Variants in RIMS2 observed in about 807,000 individuals in gnomAD.
RIMS2 encodes regulating synaptic membrane exocytosis protein 2.
A neutral mutation model predicts 174.4 loss-of-function variants in RIMS2; 59 were observed. The ratio of observed to expected loss-of-function variants is 0.34; its 90% confidence interval spans 0.27 to 0.42. The LOEUF is 0.42. Ranked by LOEUF, RIMS2 falls within the 10% of genes least tolerant of loss-of-function variation. The pLI is 1.00. For missense variants in RIMS2, 1,620 were observed against 1,666.3 expected, an observed-to-expected ratio of 0.97 and a Z score of 0.48; for synonymous variants, 606 against 572.5, an observed-to-expected ratio of 1.06 and a Z score of -0.84.
intron 19 of RIMS2, among the ~76,000 whole-genome samples, chr8:104,100,977 T>C (rs189799720): frequency 4.3e-5 from 5 of 114,990 alleles, no homozygotes; most frequent in Admixed American, 1.8e-4. Flanking sequence ...ATAGTATATA[T>C]GATATATTAT....
At position 104,178,007 on chromosome 8, in the gene RIMS2, A is replaced by T. The variant is rs1222887889; in HGVS notation, c.3335-66909A>T. Among the ~76,000 whole-genome samples the T allele has an allele frequency of 4.6e-5, 7 of 152,188 alleles. 1 individual carries two copies. The East Asian group carries it at 1.3e-3, about 29-fold the overall frequency. On this transcript the variant is annotated intron_variant, in intron 19 of 23. Transcript: ENST00000504942. ...TATGGAAGCAGACAAGAAATGAGCT[A>T]GAGTCTAGGAGACTCTGAGTTTTCT...
intron 16 of RIMS2, among the ~76,000 whole-genome samples, chr8:103,984,122 C>T (rs891900267): frequency 8.6e-5 from 13 of 151,680 alleles, no homozygotes; most frequent in African/African-American, 3.1e-4. Context: ...TGCAGTGAGC[C>T]GAGATCGCGC....
At chr8:103,543,250 A>G (rs531550649) in intron 1 of RIMS2, among the ~76,000 whole-genome samples, 2 of 152,338 alleles carry the variant, frequency 1.3e-5, no homozygotes, top group East Asian at 3.8e-4. Context: ...AAAGAAATCA[A>G]GAAAATATCC....
At chr8:103,927,024 T>C (rs776166934) in intron 10 of RIMS2, among the ~76,000 whole-genome samples, 34 of 151,616 alleles carry the variant, frequency 2.2e-4, no homozygotes, top group Middle Eastern at 3.4e-3. Flanking sequence ...CATCTACAAA[T>C]TGTAAGTAGA....
intron 19 of RIMS2, among the ~76,000 whole-genome samples, chr8:104,124,019 C>A (rs770759626): frequency 6.6e-6 from 1 of 152,108 alleles, no homozygotes; most frequent in African/African-American, 2.4e-5. Flanking sequence ...TGCAATTACA[C>A]CAACTGCTAT....
chr8:104,051,272 A>ATG (rs975887789), intron 19 of RIMS2, among the ~76,000 whole-genome samples: 2 of 152,090 alleles, frequency 1.3e-5, no homozygotes, highest in East Asian at 1.9e-4. Flanking sequence ...ATATATATGT[A>ATG]TGTGTGTGTA....
chr8:103,903,851 T>A (rs534807444), intron 4 of RIMS2, among the ~76,000 whole-genome samples: 1 of 152,140 alleles, frequency 6.6e-6, no homozygotes, highest in Non-Finnish European at 1.5e-5. Context: ...TACTTTGAAG[T>A]ATTTATAGAT....
intron 19 of RIMS2, among the ~76,000 whole-genome samples, chr8:104,235,415 C>G (rs867884943): frequency 6.6e-6 from 1 of 152,118 alleles, no homozygotes; most frequent in African/African-American, 2.4e-5. Context: ...CACTGCCATA[C>G]AATCTTCTTA....
chr8:103,961,110 A>G (rs1405164494), exon 15 of RIMS2: 4 of 1,500,632 alleles, frequency 2.7e-6, no homozygotes, highest in Non-Finnish European at 3.7e-6. Context: ...TATGACTGTG[A>G]TGATGGAATT....
At chr8:104,175,088 A>C (rs1425771213) in intron 19 of RIMS2, among the ~76,000 whole-genome samples, 2 of 152,182 alleles carry the variant, frequency 1.3e-5, no homozygotes, top group African/African-American at 4.8e-5. Flanking sequence ...CTCTATGATG[A>C]ATACATACTC....
At chr8:103,947,884 G>A (rs983472714) in intron 14 of RIMS2, among the ~76,000 whole-genome samples, 1 of 152,136 alleles carries the variant, frequency 6.6e-6, no homozygotes, top group African/African-American at 2.4e-5. Flanking sequence ...CTTATATACA[G>A]TTAGTTGTTT....
intron 9 of RIMS2, chr8:103,921,038 A>ACAACAG (rs1565322011): frequency 4.4e-6 from 1 of 228,178 alleles, no homozygotes; most frequent in African/African-American, 2.4e-5. Flanking sequence ...AACAACAACA[A>ACAACAG]CAACAACAAA....
At chr8:103,593,823 T>C (rs566237539) in intron 1 of RIMS2, among the ~76,000 whole-genome samples, 59 of 151,392 alleles carry the variant, frequency 3.9e-4, no homozygotes, top group African/African-American at 1.3e-3. Context: ...TAAAAATCAA[T>C]TTAAAAATAA....
chr8:103,569,752 G>A (rs2092667912), intron 1 of RIMS2, among the ~76,000 whole-genome samples: 1 of 151,624 alleles, frequency 6.6e-6, no homozygotes, highest in Admixed American at 6.6e-5. Flanking sequence ...GAGTAGCTAG[G>A]ACTACAAGCA....
intron 1 of RIMS2, among the ~76,000 whole-genome samples, chr8:103,508,597 C>T (rs1199656970): frequency 6.6e-6 from 1 of 151,982 alleles, no homozygotes; most frequent in Non-Finnish European, 1.5e-5. Flanking sequence ...CCTAAAAAGC[C>T]TTCTATGCTA....
intron 3 of RIMS2, among the ~76,000 whole-genome samples, chr8:103,872,115 G>A (rs2099115196): frequency 6.6e-6 from 1 of 152,188 alleles, no homozygotes; most frequent in Admixed American, 6.6e-5. Flanking sequence ...TGTTTCTGTG[G>A]TGTCAGTATC....
At chr8:104,111,954 CTGTT>C (rs1216495548) in intron 19 of RIMS2, among the ~76,000 whole-genome samples, 4 of 152,106 alleles carry the variant, frequency 2.6e-5, no homozygotes, top group Non-Finnish European at 5.9e-5. Context: ...GCCATAATGT[CTGTT>C]TATTTCTCTC....
chr8:104,025,538 C>T (rs919936726), intron 19 of RIMS2, among the ~76,000 whole-genome samples: 3 of 151,978 alleles, frequency 2.0e-5, no homozygotes, highest in East Asian at 1.9e-4. Context: ...TGAAGTGAAA[C>T]GATACTTGTT....
intron 1 of RIMS2, among the ~76,000 whole-genome samples, chr8:103,666,736 G>A (rs1261992354): frequency 6.6e-6 from 1 of 152,140 alleles, no homozygotes; most frequent in Non-Finnish European, 1.5e-5. Context: ...TATGAGCTCA[G>A]TCCAAAACAA....
Sources: allele counts gnomAD v4.1 joint callset (sites outside exome capture counted in the v4.1 genomes callset), GRCh38; gene constraint gnomAD v4.1.1; transcripts MANE v1.5; gene names NCBI Gene and HGNC (gene_info 2026-07-23, HGNC 2026-07-21).